The following CELF2 variants were observed in gnomAD, a reference collection of about 807,000 sequenced individuals.
CELF2 encodes the protein CUGBP Elav-like family member 2, also known as CUG triplet repeat RNA-binding protein 2.
CELF2 carries 8 observed loss-of-function variants against 62.6 expected under a neutral mutation model. That is an observed-to-expected ratio of 0.13 (90% CI 0.07 to 0.23). CELF2 has a LOEUF of 0.23. CELF2 is among the 10% of genes least tolerant of loss of function. The pLI, the probability that CELF2 is intolerant of heterozygous loss-of-function variation, is 1.00. For missense variants in CELF2, 333 were observed against 671.0 expected, an observed-to-expected ratio of 0.50 and a Z score of 5.56; for synonymous variants, 258 against 250.0, an observed-to-expected ratio of 1.03 and a Z score of -0.30.
chr10:10,657,974 T>C, the CELF2 span, among the ~76,000 whole-genome samples: 1 of 152,172 alleles, frequency 6.6e-6, no homozygotes, highest in Non-Finnish European at 1.5e-5. Context: ...AGTTGTAAAA[T>C]GAAAGAAAAG....
chr10:10,906,732 T>TG, intron 1 of CELF2, among the ~76,000 whole-genome samples: 1 of 145,706 alleles, frequency 6.9e-6, no homozygotes, highest in South Asian at 2.2e-4. Flanking sequence ...TTTTTTTTTT[T>TG]TTTTTGAAAC....
chr10:11,026,115 G>A (rs2059161470), intron 1 of CELF2, among the ~76,000 whole-genome samples: 1 of 152,184 alleles, frequency 6.6e-6, no homozygotes, highest in African/African-American at 2.4e-5. Flanking sequence ...CTCCACGGAT[G>A]TTTTCTTGTT....
At chr10:11,015,819 G>GT (rs532268290), upstream of CELF2, among the ~76,000 whole-genome samples, 177 of 152,304 alleles carry the variant, frequency 1.2e-3, 3 homozygotes, top group African/African-American at 4.2e-3. This position sits in a 1 kb window ranked among gnomAD's most constrained non-coding sequence, Gnocchi z 4.8. Flanking sequence ...GCTTAAGTCA[G>GT]TAAGAGGGCT....
the CELF2 span, among the ~76,000 whole-genome samples, chr10:10,546,499 A>G: frequency 0.016 from 2,474 of 152,290 alleles, 68 homozygotes; most frequent in African/African-American, 0.056. Flanking sequence ...TGTCTTTAAC[A>G]TGTAAACCAA....
the CELF2 span, among the ~76,000 whole-genome samples, chr10:10,707,714 G>A: frequency 6.6e-6 from 1 of 152,186 alleles, no homozygotes; most frequent in Non-Finnish European, 1.5e-5. Flanking sequence ...TGGCAGGGCT[G>A]AACAAGACAA....
intron 5 of CELF2, among the ~76,000 whole-genome samples, chr10:11,261,313 A>C (rs1377901269): frequency 1.3e-5 from 2 of 152,004 alleles, no homozygotes; most frequent in African/African-American, 2.4e-5. Flanking sequence ...CTGAGGTTTC[A>C]CCAGGCTAGT....
chr10:10,612,331 G>A, the CELF2 span, among the ~76,000 whole-genome samples: 60 of 152,270 alleles, frequency 3.9e-4, no homozygotes, highest in African/African-American at 1.4e-3. Flanking sequence ...TGAAAAGGAA[G>A]AGGCATGAAG....
intron 12 of CELF2, 23 bp downstream of exon 12, chr10:11,326,002 G>A (rs201994495): frequency 1.3e-6 from 2 of 1,599,878 alleles, no homozygotes; most frequent in Admixed American, 1.7e-5. Context: ...AACTAAGCTA[G>A]TATATTGCAG....
chr10:11,073,668 A>G (rs1448791296), intron 1 of CELF2, among the ~76,000 whole-genome samples: 1 of 152,244 alleles, frequency 6.6e-6, no homozygotes, highest in Non-Finnish European at 1.5e-5. Context: ...AACGGTGACC[A>G]TGGCATCAGA....
At chr10:10,805,271 G>C (rs1284649147) in intron 1 of CELF2, among the ~76,000 whole-genome samples, 1 of 152,174 alleles carries the variant, frequency 6.6e-6, no homozygotes, top group Non-Finnish European at 1.5e-5. Flanking sequence ...CCCTGAGCTA[G>C]AGCAATTAAA....
the CELF2 span, among the ~76,000 whole-genome samples, chr10:10,470,479 T>C: frequency 5.9e-4 from 89 of 151,806 alleles, 1 homozygote; most frequent in African/African-American, 2.1e-3. Flanking sequence ...TTTCTTAGGG[T>C]TGTAGAACTC....
chr10:11,078,871 A>G (rs1370347565), intron 1 of CELF2, among the ~76,000 whole-genome samples: 1 of 152,186 alleles, frequency 6.6e-6, no homozygotes, highest in Non-Finnish European at 1.5e-5. Flanking sequence ...TTTGCTTTAG[A>G]GAATCATGCT....
At chr10:10,637,214 A>G in the CELF2 span, among the ~76,000 whole-genome samples, 2 of 152,144 alleles carry the variant, frequency 1.3e-5, no homozygotes, top group Non-Finnish European at 2.9e-5. Context: ...AATCCGCAAA[A>G]ATTTTGCAAT....
rs561848288 is a variant in CELF2, at chr10:11,318,941, G to A, written c.1097-2248G>A. ...CCACCCGCAGCAGACAAGGCATCAT[G>A]GTGGTGCGATGCTGCCCACCCCTCC... is the stretch of plus-strand genomic sequence containing the variant. On this transcript the variant is annotated intron_variant, in intron 10 of 12. Transcript: ENST00000633077. The surrounding 1 kb of genome is among the most constrained non-coding windows in gnomAD (Gnocchi z 5.4). 2.1e-6 allele frequency: 1 copy of A among 471,170 alleles called. No homozygotes were observed. The highest frequency in any genetic ancestry group is 7.0e-5 in the East Asian group (1 of 14,378). The allele number at this position is 471,170 out of a possible 1,614,324, so 29.2% of individuals were successfully genotyped here. A position where few individuals can be genotyped will look rare whatever the true frequency, so the allele number is the denominator to read the frequency against.
chr10:11,129,623 G>A (rs986819961), intron 1 of CELF2, among the ~76,000 whole-genome samples: 14 of 152,266 alleles, frequency 9.2e-5, no homozygotes, highest in Non-Finnish European at 1.6e-4. Flanking sequence ...TATGTGTCGA[G>A]GAATTTATCC....
intron 1 of CELF2, among the ~76,000 whole-genome samples, chr10:10,887,769 CTTTTA>C (rs1292094399): frequency 6.6e-6 from 1 of 150,464 alleles, no homozygotes; most frequent in Non-Finnish European, 1.5e-5. Context: ...TCTGTGTAGA[CTTTTA>C]TTTTTTTTTT....
the CELF2 span, among the ~76,000 whole-genome samples, chr10:10,768,822 C>T: frequency 6.6e-6 from 1 of 152,134 alleles, no homozygotes; most frequent in African/African-American, 2.4e-5. Context: ...GATCCACCCA[C>T]CTCGGCCTCC....
the CELF2 span, among the ~76,000 whole-genome samples, chr10:10,553,514 C>G: frequency 6.6e-6 from 1 of 152,212 alleles, no homozygotes; most frequent in East Asian, 1.9e-4. Flanking sequence ...TTTGAGGATG[C>G]ACAACTCAGT....
At chr10:10,523,979 A>G in the CELF2 span, among the ~76,000 whole-genome samples, 1 of 152,172 alleles carries the variant, frequency 6.6e-6, no homozygotes, top group Admixed American at 6.5e-5. Context: ...ACAACCTCAA[A>G]TTTATATAGA....
Sources: gnomAD v4.1 joint callset for allele counts (sites outside exome capture counted in the v4.1 genomes callset) on GRCh38, gnomAD v4.1.1 for gene constraint, Gnocchi (gnomAD v3.1) non-coding constraint, MANE v1.5 for transcripts, NCBI Gene and HGNC (gene_info 2026-07-23, HGNC 2026-07-21) for gene names.